The following ULK4 variants were observed in gnomAD, a reference collection of about 807,000 sequenced individuals.
The protein encoded by ULK4 is inactive serine/threonine-protein kinase ULK4.
In ULK4, 133 loss-of-function variants were observed where a neutral mutation model predicts 160.6. The ratio of observed to expected loss-of-function variants is 0.83; its 90% CI spans 0.72 to 0.96. ULK4 has a LOEUF of 0.96. Among genes scored for constraint, ULK4 ranks in the 40% least tolerant of loss-of-function variants. The pLI, the probability that ULK4 is intolerant of heterozygous loss-of-function variation, is 0.00. For missense variants in ULK4, 1,580 were observed against 1,499.5 expected, an observed-to-expected ratio of 1.05 and a Z score of -0.89; for synonymous variants, 534 against 539.8, an observed-to-expected ratio of 0.99 and a Z score of 0.15.
At chr3:41,607,407 TG>T (rs2032433314) in intron 31 of ULK4, among the ~76,000 whole-genome samples, 1 of 152,118 alleles carries the variant, frequency 6.6e-6, no homozygotes, top group Non-Finnish European at 1.5e-5. Flanking sequence ...ATGATAAATT[TG>T]ACTCTCATAA....
intron 31 of ULK4, among the ~76,000 whole-genome samples, chr3:41,576,610 A>T (rs1461814377): frequency 6.6e-6 from 1 of 152,250 alleles, no homozygotes; most frequent in Non-Finnish European, 1.5e-5. Context: ...AGCAATTGAT[A>T]AACATTTATT....
chr3:41,255,159 C>CACACACACAG (rs1170367982), intron 35 of ULK4, among the ~76,000 whole-genome samples: 14 of 150,822 alleles, frequency 9.3e-5, no homozygotes, highest in Admixed American at 2.6e-4. Flanking sequence ...CACACACACA[C>CACACACACAG]AGTACTTATA....
intron 29 of ULK4, among the ~76,000 whole-genome samples, chr3:41,679,312 A>G (rs529415321): frequency 1.7e-4 from 26 of 152,340 alleles, no homozygotes; most frequent in African/African-American, 6.0e-4. Flanking sequence ...TTTAATCTTT[A>G]GGATTATCTT....
chr3:41,516,183 T>C (rs554263542), intron 32 of ULK4, among the ~76,000 whole-genome samples: 2 of 152,330 alleles, frequency 1.3e-5, no homozygotes, highest in East Asian at 3.9e-4. Context: ...CATGTTCTGA[T>C]TCGTTAGTAT....
At chr3:41,821,139 C>A (rs1056650603) in intron 18 of ULK4, among the ~76,000 whole-genome samples, 5 of 152,174 alleles carry the variant, frequency 3.3e-5, no homozygotes, top group African/African-American at 1.2e-4. Context: ...TTTAATCACT[C>A]CTGCCCAAAA....
At chr3:41,548,147 T>C (rs1020461012) in intron 32 of ULK4, among the ~76,000 whole-genome samples, 3 of 152,120 alleles carry the variant, frequency 2.0e-5, no homozygotes, top group African/African-American at 7.2e-5. Flanking sequence ...GGGAATGCCT[T>C]GCTCCACCCA....
At chr3:41,636,937 C>A (rs1308152121) in intron 30 of ULK4, among the ~76,000 whole-genome samples, 1 of 152,122 alleles carries the variant, frequency 6.6e-6, no homozygotes, top group Non-Finnish European at 1.5e-5. Context: ...ACACACTAAT[C>A]TGAACCTTTA....
chr3:41,843,547 G>C lies in ULK4; in HGVS notation c.1657-7576C>G, dbSNP rs187870472. ...GAAGCTGCGGACCTTCATGGTGAGT[G>C]TTACAGCTCTTAAGGCAGTGCTCTG... On this transcript the variant is annotated intron_variant, in intron 17 of 36. Coordinates refer to ENST00000301831, the MANE Select transcript of ULK4 (RefSeq NM_017886.4). Among the ~76,000 whole-genome samples, 94 of 152,202 alleles carry C rather than the reference G, an allele frequency of 6.2e-4. 2 individuals carry two copies. Among genetic ancestry groups the C allele is most frequent in the African/African-American group, 2.0e-3 (83 of 41,526 alleles).
chr3:41,842,092 C>T (rs1229569296), intron 17 of ULK4, among the ~76,000 whole-genome samples: 1 of 150,242 alleles, frequency 6.7e-6, no homozygotes, highest in Non-Finnish European at 1.5e-5. Flanking sequence ...TCCTATGACC[C>T]TGCCACATCC....
At chr3:41,923,773 G>T (rs1699283607) in intron 5 of ULK4, among the ~76,000 whole-genome samples, 1 of 152,226 alleles carries the variant, frequency 6.6e-6, no homozygotes, top group African/African-American at 2.4e-5. Context: ...CTAACCTGTA[G>T]GTAGAGGATT....
intron 30 of ULK4, among the ~76,000 whole-genome samples, chr3:41,618,962 C>T (rs1402774594): frequency 6.6e-6 from 1 of 151,016 alleles, no homozygotes; most frequent in African/African-American, 2.4e-5. Flanking sequence ...AAAAAAAAAG[C>T]AGGGGTTGCA....
At chr3:41,495,629 G>A (rs1445959983) in intron 32 of ULK4, among the ~76,000 whole-genome samples, 1 of 150,652 alleles carries the variant, frequency 6.6e-6, no homozygotes, top group East Asian at 1.9e-4. Flanking sequence ...ACTACCATCA[G>A]AGTGAACAGG....
chr3:41,310,869 T>C (rs1026482272), intron 35 of ULK4, among the ~76,000 whole-genome samples: 1 of 152,090 alleles, frequency 6.6e-6, no homozygotes, highest in African/African-American at 2.4e-5. Context: ...GATATGTGCC[T>C]GTAGTCCCAG....
chr3:41,457,637 T>A (rs115136512), intron 33 of ULK4, among the ~76,000 whole-genome samples: 2,845 of 152,320 alleles, frequency 0.019, 75 homozygotes, highest in African/African-American at 0.061. Context: ...GCCTTGCCTC[T>A]CAGCCTCTCT....
Position 41,777,916 on chromosome 3 carries a change from C to T in ULK4, c.2193+11745G>A, listed in dbSNP as rs536340495. Among the ~76,000 whole-genome samples the T allele has an allele frequency of 1.2e-3, 172 of 141,936 alleles. 16 individuals are homozygous for T. Among genetic ancestry groups the T allele is most frequent in the African/African-American group, 4.4e-3 (165 of 37,258 alleles). 93.1% of individuals were successfully genotyped at this position (141,936 alleles called of 152,430 possible). ...AAACTGGAAGCATTCCCTTTGAAAA[C>T]TGGCACAAGACAGGGATGCCCTCTC... On this transcript the variant is annotated intron_variant, in intron 21 of 36. Transcript: ENST00000301831.
At chr3:41,630,529 T>C (rs2033699497) in intron 30 of ULK4, among the ~76,000 whole-genome samples, 1 of 152,186 alleles carries the variant, frequency 6.6e-6, no homozygotes, top group Non-Finnish European at 1.5e-5. Context: ...TAGACCACAT[T>C]TAAAGGGCTC....
chr3:41,877,676 A>C (rs1207552489), intron 17 of ULK4, among the ~76,000 whole-genome samples: 1 of 152,096 alleles, frequency 6.6e-6, no homozygotes, highest in Non-Finnish European at 1.5e-5. Flanking sequence ...CAAAAGGTAA[A>C]AACGAATTTT....
intron 21 of ULK4, among the ~76,000 whole-genome samples, chr3:41,787,345 G>A (rs1418856798): frequency 6.6e-6 from 1 of 152,148 alleles, no homozygotes; most frequent in Non-Finnish European, 1.5e-5. Flanking sequence ...GCAATGATGA[G>A]GATCCCTTCC....
At chr3:41,330,971 TA>T (rs1455551634) in intron 35 of ULK4, among the ~76,000 whole-genome samples, 1 of 152,134 alleles carries the variant, frequency 6.6e-6, no homozygotes, top group Admixed American at 6.6e-5. Context: ...TTCCCAAGAC[TA>T]AAGGGTCTGC....
Sources: allele counts gnomAD v4.1 joint callset (sites outside exome capture counted in the v4.1 genomes callset), GRCh38; gene constraint gnomAD v4.1.1; transcripts MANE v1.5; gene names NCBI Gene and HGNC (gene_info 2026-07-23, HGNC 2026-07-21).